GABRB2: variants seen among roughly 807,000 people sequenced by gnomAD.
GABRB2 encodes the protein gamma-aminobutyric acid type A receptor subunit beta2.
GABRB2 carries 16 observed loss-of-function variants against 54.7 expected under a neutral mutation model. The ratio of observed to expected loss-of-function variants is 0.29; its 90% confidence interval spans 0.20 to 0.44. GABRB2 has a LOEUF of 0.44. Among genes scored for constraint, GABRB2 ranks in the 20% least tolerant of loss-of-function variants. GABRB2 has a pLI of 1.00. For missense variants in GABRB2, 355 were observed against 644.0 expected (o/e 0.55, Z 4.86); for synonymous variants, 244 against 233.8 (o/e 1.04, Z -0.40).
intron 5 of GABRB2, among the ~76,000 whole-genome samples, chr5:161,363,420 C>T (rs1282530558): frequency 5.3e-5 from 8 of 152,182 alleles, no homozygotes; most frequent in African/African-American, 1.7e-4. Flanking sequence ...GGAGAAATAC[C>T]TAATGCAGAT....
At chr5:161,381,202 A>G (rs1295026858) in intron 5 of GABRB2, among the ~76,000 whole-genome samples, 2 of 152,122 alleles carry the variant, frequency 1.3e-5, no homozygotes, top group African/African-American at 2.4e-5. Context: ...CAACTTTTTG[A>G]GCCTGAGTTT....
intron 5 of GABRB2, among the ~76,000 whole-genome samples, chr5:161,398,169 C>T (rs1471678044): frequency 6.6e-6 from 1 of 152,148 alleles, no homozygotes; most frequent in Non-Finnish European, 1.5e-5. Context: ...CAGGGTTATA[C>T]ATTCCAGCAG....
intron 5 of GABRB2, among the ~76,000 whole-genome samples, chr5:161,357,159 G>T (rs964760282): frequency 6.6e-6 from 1 of 152,162 alleles, no homozygotes; most frequent in African/African-American, 2.4e-5. Flanking sequence ...AGTATCTGTT[G>T]TCTTGGGAGG....
chr5:161,486,228 C>A (rs1396705215), intron 3 of GABRB2, among the ~76,000 whole-genome samples: 1 of 151,866 alleles, frequency 6.6e-6, no homozygotes, highest in African/African-American at 2.4e-5. Flanking sequence ...GGCAAAGGGT[C>A]TTCCTCTTCA....
intron 7 of GABRB2, among the ~76,000 whole-genome samples, chr5:161,334,373 A>G (rs1312579104): frequency 1.3e-5 from 2 of 152,194 alleles, no homozygotes; most frequent in Non-Finnish European, 2.9e-5. Flanking sequence ...TTTGCTACAC[A>G]CAACATCTTC....
chr5:161,432,379 T>C (rs1757195376), intron 4 of GABRB2, among the ~76,000 whole-genome samples: 1 of 152,210 alleles, frequency 6.6e-6, no homozygotes, highest in Non-Finnish European at 1.5e-5. Flanking sequence ...CAATTTATAC[T>C]GTGAGCTCCC....
intron 9 of GABRB2, among the ~76,000 whole-genome samples, chr5:161,310,633 G>C (rs1444682468): frequency 6.6e-6 from 1 of 151,978 alleles, no homozygotes; most frequent in Non-Finnish European, 1.5e-5. Flanking sequence ...ACGATGGCAT[G>C]GTTTCTTTCG....
intron 5 of GABRB2, among the ~76,000 whole-genome samples, chr5:161,406,041 C>T (rs934639760): frequency 1.3e-5 from 2 of 152,050 alleles, no homozygotes; most frequent in African/African-American, 4.8e-5. Flanking sequence ...TACCAAAACA[C>T]TCTCACACAC....
At chr5:161,307,462 C>A (rs183511622) in intron 9 of GABRB2, among the ~76,000 whole-genome samples, 12 of 150,656 alleles carry the variant, frequency 8.0e-5, no homozygotes, top group Non-Finnish European at 1.6e-4. Flanking sequence ...TAGATAAGAC[C>A]ATTTATACAG....
intron 3 of GABRB2, among the ~76,000 whole-genome samples, chr5:161,508,977 C>A (rs148865989): frequency 2.0e-4 from 30 of 152,034 alleles, no homozygotes; most frequent in Non-Finnish European, 4.1e-4. Context: ...CTAAGCTATT[C>A]TGTCTTTGGA....
At chr5:161,504,637 C>T (rs1308613912) in intron 3 of GABRB2, among the ~76,000 whole-genome samples, 15 of 147,724 alleles carry the variant, frequency 1.0e-4, no homozygotes, top group African/African-American at 1.3e-4. Context: ...TAAACCTTAA[C>T]GAATTTTAAA....
chr5:161,531,670 A>T (rs754994637), intron 3 of GABRB2, among the ~76,000 whole-genome samples: 3 of 152,068 alleles, frequency 2.0e-5, no homozygotes, highest in Admixed American at 2.0e-4. Flanking sequence ...GCAGACTAAT[A>T]TGCAGAACAA....
chr5:161,362,240 G>C (rs775265858), intron 5 of GABRB2, among the ~76,000 whole-genome samples: 12 of 152,126 alleles, frequency 7.9e-5, no homozygotes, highest in Non-Finnish European at 1.6e-4. Flanking sequence ...TTTTGTTTAG[G>C]ATTGTCTTGG....
chr5:161,394,330 T>C (rs1190154672), intron 5 of GABRB2, among the ~76,000 whole-genome samples: 6 of 151,378 alleles, frequency 4.0e-5, no homozygotes, highest in Non-Finnish European at 7.4e-5. Context: ...GCAAAATAAA[T>C]ACAAAGGAAG....
chr5:161,413,913 G>A (rs1052312148), intron 4 of GABRB2, among the ~76,000 whole-genome samples: 1 of 152,070 alleles, frequency 6.6e-6, no homozygotes, highest in Non-Finnish European at 1.5e-5. Context: ...ACATGTTCAC[G>A]GCAACTAGCA....
At chr5:161,472,325 C>T (rs776592635) in intron 3 of GABRB2, among the ~76,000 whole-genome samples, 4 of 151,660 alleles carry the variant, frequency 2.6e-5, no homozygotes, top group Non-Finnish European at 5.9e-5. Flanking sequence ...TAAGCTGCCT[C>T]TGGAACACCC....
At chr5:161,462,051 A>T (rs1758132751) in intron 3 of GABRB2, among the ~76,000 whole-genome samples, 2 of 152,202 alleles carry the variant, frequency 1.3e-5, no homozygotes, top group South Asian at 4.1e-4. Flanking sequence ...AAATATTTAA[A>T]TATTTTCTGT....
chr5:161,297,821 C>T (rs168789), intron 9 of GABRB2, among the ~76,000 whole-genome samples: 19,131 of 152,026 alleles, frequency 0.13, 1,289 homozygotes, highest in Non-Finnish European at 0.14. Context: ...CTGGGTCAAG[C>T]GGTATTTCTG....
chr5:161,369,426 CTCTTT>C (rs971403622), intron 5 of GABRB2, among the ~76,000 whole-genome samples: 95 of 152,102 alleles, frequency 6.2e-4, no homozygotes, highest in African/African-American at 2.1e-3. Flanking sequence ...AGTGAATAGC[CTCTTT>C]TCTTTTATAA....
Sources: allele counts gnomAD v4.1 joint callset (sites outside exome capture counted in the v4.1 genomes callset), GRCh38; gene constraint gnomAD v4.1.1; transcripts MANE v1.5; gene names NCBI Gene and HGNC (gene_info 2026-07-23, HGNC 2026-07-21).